NMNAT2: variants seen among roughly 807,000 people sequenced by gnomAD.
NMNAT2 encodes nicotinamide nucleotide adenylyltransferase 2.
A neutral mutation model predicts 41.6 loss-of-function variants in NMNAT2; 11 were observed. That is an observed-to-expected ratio of 0.26 (90% CI 0.17 to 0.44). NMNAT2 has a LOEUF of 0.44. Among genes scored for constraint, NMNAT2 ranks in the 20% least tolerant of loss-of-function variants. NMNAT2 has a pLI of 1.00. For missense variants in NMNAT2, 288 were observed against 407.7 expected, an observed-to-expected ratio of 0.71 and a Z score of 2.53; for synonymous variants, 148 against 151.2, an observed-to-expected ratio of 0.98 and a Z score of 0.16.
At chr1:183,280,382 C>G (rs1464449954) in intron 7 of NMNAT2, among the ~76,000 whole-genome samples, 1 of 151,954 alleles carries the variant, frequency 6.6e-6, no homozygotes, top group Admixed American at 6.6e-5. Flanking sequence ...AATTCGTAAA[C>G]TTCCTTTTTT....
At chr1:183,354,934 A>G (rs1365619711) in intron 1 of NMNAT2, among the ~76,000 whole-genome samples, 5 of 152,206 alleles carry the variant, frequency 3.3e-5, no homozygotes, top group African/African-American at 1.2e-4. Flanking sequence ...AACAGTAATA[A>G]GTTAAATTTT....
At chr1:183,331,674 C>G (rs1662589066) in intron 1 of NMNAT2, among the ~76,000 whole-genome samples, 1 of 152,234 alleles carries the variant, frequency 6.6e-6, no homozygotes, top group Admixed American at 6.5e-5. Context: ...GGCGCCTGCA[C>G]GCTGCTGCTG....
intron 1 of NMNAT2, among the ~76,000 whole-genome samples, chr1:183,343,235 A>T (rs1662857515): frequency 1.3e-5 from 2 of 152,172 alleles, no homozygotes; most frequent in African/African-American, 2.4e-5. Context: ...TTTCTCAAAT[A>T]GATATCCCTC....
chr1:183,303,084 C>T (rs1279603202), intron 1 of NMNAT2, among the ~76,000 whole-genome samples: 1 of 152,196 alleles, frequency 6.6e-6, no homozygotes, highest in South Asian at 2.1e-4. Context: ...AGCAGATGAA[C>T]TGAGTCAGGA....
At chr1:183,344,700 T>A (rs1246450132) in intron 1 of NMNAT2, among the ~76,000 whole-genome samples, 1 of 152,136 alleles carries the variant, frequency 6.6e-6, no homozygotes, top group African/African-American at 2.4e-5. Context: ...TAAACATAAA[T>A]AAAGTCTGGA....
chr1:183,287,512 A>G (rs1661430330), intron 4 of NMNAT2, among the ~76,000 whole-genome samples: 1 of 152,148 alleles, frequency 6.6e-6, no homozygotes, highest in Admixed American at 6.5e-5. Context: ...TGTATTATCT[A>G]TTGTCCTGAG....
chr1:183,267,420 A>C, intron 8 of NMNAT2: 1 of 152,238 alleles, frequency 6.6e-6, no homozygotes, highest in East Asian at 1.9e-4. Flanking sequence ...CTCTCTTAAC[A>C]AAGCTCCCTA....
intron 1 of NMNAT2, among the ~76,000 whole-genome samples, chr1:183,297,647 C>T (rs1249210036): frequency 6.6e-6 from 1 of 152,192 alleles, no homozygotes; most frequent in Non-Finnish European, 1.5e-5. Flanking sequence ...TCCTAAAATG[C>T]TGGGATTACA....
At chr1:183,361,436 C>T (rs1663305472) in intron 1 of NMNAT2, among the ~76,000 whole-genome samples, 1 of 152,098 alleles carries the variant, frequency 6.6e-6, no homozygotes, top group Non-Finnish European at 1.5e-5. Context: ...CTTCTATGAG[C>T]CTCGGATTTT....
intron 10 of NMNAT2, among the ~76,000 whole-genome samples, chr1:183,256,421 A>T (rs139328103): frequency 3.2e-4 from 48 of 152,282 alleles, no homozygotes; most frequent in African/African-American, 1.1e-3. Context: ...AAAAAATAAT[A>T]AAAAAATTAA....
intron 1 of NMNAT2, among the ~76,000 whole-genome samples, chr1:183,310,775 G>A (rs1557874539): frequency 6.6e-6 from 1 of 151,668 alleles, no homozygotes; most frequent in Non-Finnish European, 1.5e-5. Context: ...ACATAAACAA[G>A]GCCTCTGTTT....
intron 4 of NMNAT2, among the ~76,000 whole-genome samples, chr1:183,289,135 G>A (rs892812948): frequency 1.3e-5 from 2 of 152,352 alleles, no homozygotes; most frequent in Admixed American, 1.3e-4. Context: ...GAAGAACGTG[G>A]TGACAGGCCC....
At chr1:183,274,613 T>C (rs1300201971) in intron 8 of NMNAT2, among the ~76,000 whole-genome samples, 2 of 151,762 alleles carry the variant, frequency 1.3e-5, no homozygotes, top group Non-Finnish European at 2.9e-5. Context: ...ACGCCTGGCC[T>C]GAAGTCAATG....
intron 1 of NMNAT2, among the ~76,000 whole-genome samples, chr1:183,402,015 C>T (rs1319642801): frequency 6.6e-6 from 1 of 151,912 alleles, no homozygotes; most frequent in Non-Finnish European, 1.5e-5. Context: ...CACATGTATA[C>T]ATATGTAACA....
chr1:183,360,409 C>G (rs894319815), intron 1 of NMNAT2, among the ~76,000 whole-genome samples: 1 of 152,020 alleles, frequency 6.6e-6, no homozygotes, highest in African/African-American at 2.4e-5. Context: ...AGCTACTCAC[C>G]TCTTCATCTT....
At chr1:183,394,655 C>T (rs1012908513) in intron 1 of NMNAT2, among the ~76,000 whole-genome samples, 2 of 152,130 alleles carry the variant, frequency 1.3e-5, no homozygotes, top group East Asian at 1.9e-4. Flanking sequence ...GACTGTCAGC[C>T]CCAGATCCTT....
chr1:183,273,763 T>C (rs1027347092), intron 8 of NMNAT2, among the ~76,000 whole-genome samples: 4 of 150,824 alleles, frequency 2.7e-5, no homozygotes, highest in African/African-American at 4.9e-5. Flanking sequence ...TTCCCTCCCT[T>C]CCTTCCTTCC....
chr1:183,310,866 G>A (rs550381034), intron 1 of NMNAT2, among the ~76,000 whole-genome samples: 138 of 152,056 alleles, frequency 9.1e-4, no homozygotes, highest in African/African-American at 3.3e-3. Context: ...AAAAAAGCAG[G>A]GGCATTGGAA....
intron 1 of NMNAT2, among the ~76,000 whole-genome samples, chr1:183,401,882 A>G (rs565025179): frequency 7.8e-6 from 1 of 128,240 alleles, no homozygotes; most frequent in East Asian, 2.5e-4. Context: ...ACTTGGACAC[A>G]GGATGGGGAA....
Sources: gnomAD v4.1 joint callset for allele counts (sites outside exome capture counted in the v4.1 genomes callset) on GRCh38, gnomAD v4.1.1 for gene constraint, MANE v1.5 for transcripts, NCBI Gene and HGNC (gene_info 2026-07-23, HGNC 2026-07-21) for gene names.